The following UBE3C variants were observed in gnomAD, a reference collection of about 807,000 sequenced individuals.
UBE3C encodes the protein ubiquitin protein ligase E3C, also known as ubiquitin-protein ligase E3C.
In UBE3C, 42 loss-of-function variants were observed where a neutral mutation model predicts 129.4. The ratio of observed to expected loss-of-function variants is 0.32; its 90% CI spans 0.25 to 0.42. UBE3C has a LOEUF of 0.42. Among genes scored for constraint, UBE3C ranks in the 10% least tolerant of loss-of-function variants. The pLI, the probability that UBE3C is intolerant of heterozygous loss-of-function variation, is 1.00. For synonymous variants in UBE3C, 510 were observed against 492.4 expected (o/e 1.04, Z -0.47); for missense variants, 1,049 against 1,319.1 (o/e 0.80, Z 3.17).
chr7:157,170,871 G>A (rs1349505721), intron 4 of UBE3C, among the ~76,000 whole-genome samples: 1 of 152,050 alleles, frequency 6.6e-6, no homozygotes, highest in Non-Finnish European at 1.5e-5. Context: ...TATTAGAGAT[G>A]GGGTCTTACT....
intron 22 of UBE3C, among the ~76,000 whole-genome samples, chr7:157,261,566 T>C (rs1319588631): frequency 6.6e-6 from 1 of 152,232 alleles, no homozygotes; most frequent in Non-Finnish European, 1.5e-5. Flanking sequence ...TCTTAATATT[T>C]AGGCTTTCCG....
At chr7:157,170,201 A>C (rs932217889) in intron 3 of UBE3C, 103 bp from the exon 4 acceptor site, 5 of 1,107,074 alleles carry the variant, frequency 4.5e-6, no homozygotes, top group Non-Finnish European at 5.9e-6. Context: ...TTTCGTTGTC[A>C]ATTTCCACCA....
intron 3 of UBE3C, 82 bp from the exon 4 acceptor site, chr7:157,170,220 AAC>A: frequency 8.0e-7 from 1 of 1,242,396 alleles, no homozygotes; most frequent in Non-Finnish European, 1.0e-6. Flanking sequence ...CATTCCTGTA[AAC>A]ACAGCAACGT....
chr7:157,163,944 G>A, intron 2 of UBE3C, 81 bp downstream of exon 2: 5 of 1,234,682 alleles, frequency 4.0e-6, no homozygotes, highest in Non-Finnish European at 4.7e-6. Context: ...CTGTATATAT[G>A]TATGTGTGTA....
Position 157,190,843 on chromosome 7 carries a change from C to CA in UBE3C, c.1331+3827dup, listed in dbSNP as rs536001501. On this transcript the variant is annotated intron_variant, in intron 10 of 22. Transcript: ENST00000348165. ...ACTTTTTCTCCAACCATAAATGAGGCAAAAAGGCATATCTTGCATTTTCTT... is the reference window on the plus strand; with the variant it reads ...ACTTTTTCTCCAACCATAAATGAGGCAAAAAAGGCATATCTTGCATTTTCTT... Among the ~76,000 whole-genome samples, 12 of 152,218 alleles carry CA rather than the reference C, an allele frequency of 7.9e-5. No individual in the cohort carries two copies. In the South Asian group the frequency reaches 2.5e-3, roughly 32 times the overall value.
At chr7:157,202,373 C>T (rs1445139240) in intron 11 of UBE3C, among the ~76,000 whole-genome samples, 1 of 152,066 alleles carries the variant, frequency 6.6e-6, no homozygotes, top group Non-Finnish European at 1.5e-5. Context: ...GAAGTCTAAG[C>T]CGGCCGGGCG....
At chr7:157,174,619 AT>A (rs1282267319) in intron 4 of UBE3C, among the ~76,000 whole-genome samples, 1 of 151,896 alleles carries the variant, frequency 6.6e-6, no homozygotes, top group African/African-American at 2.4e-5. Flanking sequence ...CGCTCGGCTA[AT>A]TTTTGTATTT....
At chr7:157,236,374 AT>A (rs1295969867) in intron 18 of UBE3C, among the ~76,000 whole-genome samples, 1 of 152,170 alleles carries the variant, frequency 6.6e-6, no homozygotes, top group Non-Finnish European at 1.5e-5. Flanking sequence ...TATTGATTTA[AT>A]TGGGATGGCA....
chr7:157,250,409 AT>A (rs1414034060), intron 19 of UBE3C, among the ~76,000 whole-genome samples: 1 of 152,064 alleles, frequency 6.6e-6, no homozygotes, highest in Non-Finnish European at 1.5e-5. Flanking sequence ...TTGATCTCAA[AT>A]TCCTGAGCTC....
At chr7:157,223,499 G>A (rs1244881501) in intron 16 of UBE3C, 148 bp downstream of exon 16, 1 of 643,214 alleles carries the variant, frequency 1.6e-6, no homozygotes, top group Non-Finnish European at 2.5e-6. Context: ...AGCTAAGAAT[G>A]ATTTATAAAA....
At chr7:157,225,683 T>C in intron 17 of UBE3C, 144 bp downstream of exon 17, 2 of 970,734 alleles carry the variant, frequency 2.1e-6, no homozygotes, top group South Asian at 2.0e-5. Context: ...GCATGGCAGC[T>C]CACACCTATA....
intron 17 of UBE3C, among the ~76,000 whole-genome samples, chr7:157,227,516 G>T (rs1210411990): frequency 6.6e-6 from 1 of 151,674 alleles, no homozygotes; most frequent in African/African-American, 2.4e-5. Context: ...GGCCAGCATG[G>T]TGCAACCCTG....
At chr7:157,243,610 A>T (rs530079241) in intron 18 of UBE3C, among the ~76,000 whole-genome samples, 6 of 152,140 alleles carry the variant, frequency 3.9e-5, no homozygotes, top group African/African-American at 1.4e-4. Flanking sequence ...CTGTTCCTGC[A>T]TGTGAGGCGC....
intron 1 of UBE3C, among the ~76,000 whole-genome samples, chr7:157,146,490 G>T (rs6977324): frequency 1.3e-5 from 2 of 151,836 alleles, no homozygotes; most frequent in African/African-American, 4.8e-5. Flanking sequence ...CAAAGTGCTG[G>T]GATTACAGGC....
chr7:157,226,381 A>G lies in UBE3C; in HGVS notation c.2233+842A>G, dbSNP rs189818437. On this transcript the variant is annotated intron_variant, in intron 17 of 22. Transcript: ENST00000348165. ...ACTCAGTCTTGAAAGTTCGTGTGCT[A>G]TTAACCTCTAATATATTAGCAGTTT... Among the ~76,000 whole-genome samples the G allele has an allele frequency of 1.9e-3, 286 of 152,356 alleles. 2 individuals carry two copies. The highest frequency in any genetic ancestry group is 6.3e-3 in the African/African-American group (261 of 41,586).
chr7:157,203,253 G>A (rs1809340286), intron 11 of UBE3C, among the ~76,000 whole-genome samples: 1 of 152,164 alleles, frequency 6.6e-6, no homozygotes, highest in African/African-American at 2.4e-5. Flanking sequence ...CGCTGTGACT[G>A]GTGAAACTCA....
chr7:157,212,875 G>A (rs925657601), intron 13 of UBE3C, among the ~76,000 whole-genome samples: 1 of 151,774 alleles, frequency 6.6e-6, no homozygotes, highest in African/African-American at 2.4e-5. Context: ...CTTTCACCTC[G>A]GCCTCCTGAG....
intron 22 of UBE3C, 123 bp downstream of exon 22, chr7:157,257,167 TTTAA>T: frequency 3.8e-6 from 5 of 1,319,066 alleles, no homozygotes; most frequent in Non-Finnish European, 5.2e-6. Context: ...CAGCTAGATT[TTTAA>T]TTAAGTACTG....
chr7:157,267,839 A>G lies in UBE3C; in HGVS notation c.*84A>G, dbSNP rs999382850. The G allele has an allele frequency of 8.1e-7, 1 of 1,228,908 alleles. No homozygotes were observed. Among genetic ancestry groups the G allele is most frequent in the African/African-American group, 1.6e-5 (1 of 64,440 alleles). 76.1% of individuals were successfully genotyped at this position (1,228,908 alleles called of 1,614,324 possible). ...TCCCCAGACCCACGAGGATACTCAC[A>G]CTGCACGCCTGAGGCTCTCCTAAGC... On this transcript the variant is annotated 3_prime_UTR_variant, in exon 23 of 23. Transcript: ENST00000348165.
Sources: gnomAD v4.1 joint callset for allele counts (sites outside exome capture counted in the v4.1 genomes callset) on GRCh38, gnomAD v4.1.1 for gene constraint, MANE v1.5 for transcripts, NCBI Gene and HGNC (gene_info 2026-07-23, HGNC 2026-07-21) for gene names.